Variants in DPP6 observed in about 807,000 individuals in gnomAD.
DPP6 encodes the protein dipeptidyl peptidase like 6, also known as A-type potassium channel modulatory protein DPP6.
In DPP6, 69 loss-of-function variants were observed where a neutral mutation model predicts 122.6. The observed-to-expected ratio is 0.56, with a 90% CI of 0.46 to 0.69. The LOEUF is 0.69. Among genes scored for constraint, DPP6 ranks in the 30% least tolerant of loss-of-function variants. DPP6 has a pLI of 0.00. For synonymous variants in DPP6, 418 were observed against 433.1 expected, an observed-to-expected ratio of 0.97 and a Z score of 0.43; for missense variants, 928 against 1,116.9, an observed-to-expected ratio of 0.83 and a Z score of 2.41.
chr7:154,173,359 G>A (rs11761452), intron 1 of DPP6, among the ~76,000 whole-genome samples: 4 of 152,158 alleles, frequency 2.6e-5, no homozygotes, highest in Non-Finnish European at 5.9e-5. Context: ...AAGAAGTGAC[G>A]TAAAGGAAAC....
At chr7:154,855,592 C>T (rs1178599788) in intron 17 of DPP6, among the ~76,000 whole-genome samples, 3 of 152,198 alleles carry the variant, frequency 2.0e-5, no homozygotes, top group Non-Finnish European at 4.4e-5. Flanking sequence ...CTCTCACCTC[C>T]CCACTGCATC....
chr7:154,743,978 G>C (rs1380164752), intron 8 of DPP6, among the ~76,000 whole-genome samples: 1 of 152,196 alleles, frequency 6.6e-6, no homozygotes, highest in African/African-American at 2.4e-5. Context: ...TCAAGGGTCT[G>C]CTGTCCCGTC....
chr7:154,371,378 C>CAAAA (rs1167770083), intron 1 of DPP6, among the ~76,000 whole-genome samples: 386 of 47,668 alleles, frequency 8.1e-3, no homozygotes, highest in Middle Eastern at 0.029. Context: ...AACTCTGTCT[C>CAAAA]AAAAAAAAAA....
chr7:154,625,984 G>C (rs897444157), intron 5 of DPP6, among the ~76,000 whole-genome samples: 1 of 152,146 alleles, frequency 6.6e-6, no homozygotes, highest in African/African-American at 2.4e-5. Context: ...AAATACAAAG[G>C]CAGTAAAGTA....
Position 153,953,831 on chromosome 7 carries a change from A to G in DPP6, c.51+66097A>G, listed in dbSNP as rs1802333842. ...TGCATGTGCGTCTACAGGCACACAT[A>G]CAAAGACATTTATTTCAGGGAATTT... On this transcript the variant is annotated intron_variant, in intron 1 of 25. Coordinates refer to the DPP6 transcript ENST00000404039. Among the ~76,000 whole-genome samples the G allele has an allele frequency of 2.0e-5, 3 of 152,350 alleles. No individual in the cohort carries two copies. The East Asian group carries it at 5.8e-4, about 29-fold the overall frequency.
intron 1 of DPP6, among the ~76,000 whole-genome samples, chr7:154,098,388 T>C (rs1416477660): frequency 2.0e-5 from 3 of 152,224 alleles, no homozygotes; most frequent in Non-Finnish European, 4.4e-5. Context: ...TAGGTATGTC[T>C]TTATTAGCTG....
At chr7:153,871,299 G>A in the DPP6 span, among the ~76,000 whole-genome samples, 14 of 152,196 alleles carry the variant, frequency 9.2e-5, no homozygotes, top group Non-Finnish European at 1.3e-4. Flanking sequence ...TGGGCTCCAC[G>A]CAGTTTGAGC....
At chr7:154,574,440 ATG>A (rs1243341066) in intron 5 of DPP6, among the ~76,000 whole-genome samples, 159 of 66,542 alleles carry the variant, frequency 2.4e-3, no homozygotes, top group African/African-American at 8.9e-3. Flanking sequence ...GTGTGTGTGT[ATG>A]TGTGTGGTGT....
Position 154,760,651 on chromosome 7 carries a change from C to T in DPP6, c.884-8766C>T, listed in dbSNP as rs930297795. On this transcript the variant is annotated intron_variant, in intron 8 of 25. Coordinates refer to ENST00000377770, the MANE Select transcript of DPP6 (RefSeq NM_130797.4). The surrounding 1 kb of genome is among the most constrained non-coding windows in gnomAD (Gnocchi z 4.5). Reference sequence around the variant, plus strand: ...AGTCGATTAACAAATGAGTGAGAAACGAGAACATCCTTGCCACACTGGGAC... The same window carrying T: ...AGTCGATTAACAAATGAGTGAGAAATGAGAACATCCTTGCCACACTGGGAC... 6.6e-5 allele frequency among the ~76,000 whole-genome samples: 10 copies of T among 152,148 alleles called. No homozygotes were observed. The highest frequency in any genetic ancestry group is 3.4e-3 in the Middle Eastern group (1 of 294).
chr7:154,138,041 G>A (rs1177144639), intron 1 of DPP6, among the ~76,000 whole-genome samples: 2 of 152,188 alleles, frequency 1.3e-5, no homozygotes, highest in Admixed American at 6.5e-5. Flanking sequence ...ACATAGACCA[G>A]TGTTCCTAAG....
intron 1 of DPP6, among the ~76,000 whole-genome samples, chr7:154,339,359 C>T (rs1236714823): frequency 3.3e-5 from 5 of 152,256 alleles, no homozygotes; most frequent in East Asian, 1.9e-4. Flanking sequence ...CCAGTGGGAA[C>T]GCGGAGTGGG....
At chr7:154,356,767 A>G (rs1178774208) in intron 1 of DPP6, among the ~76,000 whole-genome samples, 1 of 152,212 alleles carries the variant, frequency 6.6e-6, no homozygotes, top group Admixed American at 6.5e-5. Flanking sequence ...ACTATGTCAC[A>G]TCTTGCTGAA....
intron 7 of DPP6, among the ~76,000 whole-genome samples, chr7:154,721,469 C>T (rs1420699325): frequency 1.3e-5 from 2 of 152,120 alleles, no homozygotes; most frequent in East Asian, 1.9e-4. Flanking sequence ...AAAGCACTTT[C>T]GAAGTGTCTG....
chr7:154,581,333 G>T (rs73483866), intron 5 of DPP6, among the ~76,000 whole-genome samples: 6 of 152,130 alleles, frequency 3.9e-5, no homozygotes, highest in African/African-American at 1.4e-4. Context: ...TTTGTGTGGG[G>T]AAAAGGAGAC....
intron 1 of DPP6, among the ~76,000 whole-genome samples, chr7:154,320,635 C>A (rs560573811): frequency 2.0e-5 from 3 of 152,256 alleles, no homozygotes; most frequent in South Asian, 4.2e-4. Flanking sequence ...CAGGCATGTG[C>A]CACCATGGCC....
intron 1 of DPP6, among the ~76,000 whole-genome samples, chr7:154,383,721 C>G (rs899157288): frequency 2.0e-5 from 3 of 151,862 alleles, no homozygotes; most frequent in Non-Finnish European, 2.9e-5. Context: ...GAAACCCAGT[C>G]TCTACAAAAA....
At chr7:153,840,874 A>G in the DPP6 span, among the ~76,000 whole-genome samples, 2 of 152,204 alleles carry the variant, frequency 1.3e-5, no homozygotes, top group African/African-American at 4.8e-5. Flanking sequence ...TACTTAATAT[A>G]AAAAGAAGTT....
chr7:154,704,682 C>T (rs1178551595), intron 7 of DPP6, among the ~76,000 whole-genome samples: 1 of 152,232 alleles, frequency 6.6e-6, no homozygotes, highest in Non-Finnish European at 1.5e-5. Flanking sequence ...TGATTGTTAG[C>T]ATTTTTTAGC....
intron 7 of DPP6, among the ~76,000 whole-genome samples, chr7:154,678,196 C>T (rs1000862575): frequency 3.3e-5 from 5 of 152,158 alleles, no homozygotes; most frequent in South Asian, 2.1e-4. Flanking sequence ...AGGATGGGGG[C>T]GGGCCAAATA....
Sources: allele counts gnomAD v4.1 joint callset (sites outside exome capture counted in the v4.1 genomes callset), GRCh38; gene constraint gnomAD v4.1.1; non-coding constraint Gnocchi (gnomAD v3.1); transcripts MANE v1.5; gene names NCBI Gene and HGNC (gene_info 2026-07-23, HGNC 2026-07-21).